HDHD5: variants seen among roughly 807,000 people sequenced by gnomAD.
HDHD5 encodes the protein haloacid dehalogenase like hydrolase domain containing 5, also known as haloacid dehalogenase-like hydrolase domain-containing 5.
A neutral mutation model predicts 35.5 loss-of-function variants in HDHD5; 34 were observed. That is an observed-to-expected ratio of 0.96 (90% confidence interval 0.73 to 1.28). The LOEUF is 1.28. Ranked by LOEUF, HDHD5 falls within the 50% of genes most tolerant of loss-of-function variation. The pLI, the probability that HDHD5 is intolerant of heterozygous loss-of-function variation, is 0.00. For missense variants in HDHD5, 589 were observed against 560.2 expected (o/e 1.05, Z -0.52); for synonymous variants, 248 against 240.6 (o/e 1.03, Z -0.29).
intron 1 of HDHD5, chr22:17,158,533 T>G (rs556604826): frequency 1.3e-5 from 2 of 152,340 alleles, no homozygotes; most frequent in Admixed American, 6.5e-5. Context: ...AGCTTCGGCT[T>G]CCTGACCACA....
intron 4 of HDHD5, among the ~76,000 whole-genome samples, chr22:17,144,779 G>A (rs933459228): frequency 6.6e-6 from 1 of 151,960 alleles, no homozygotes; most frequent in Non-Finnish European, 1.5e-5. Context: ...TTGAACTCCT[G>A]GGCTCAAACA....
chr22:17,154,872 C>G (rs2123874599), intron 1 of HDHD5, among the ~76,000 whole-genome samples: 1 of 151,880 alleles, frequency 6.6e-6, no homozygotes, highest in East Asian at 1.9e-4. Flanking sequence ...CTCAAGTAAT[C>G]CTTCCAACTC....
intron 1 of HDHD5, among the ~76,000 whole-genome samples, chr22:17,151,362 A>G (rs1601396006): frequency 6.6e-6 from 1 of 152,180 alleles, no homozygotes; most frequent in Admixed American, 6.5e-5. Context: ...GTTGGTGCCA[A>G]CTAGGTCAAG....
chr22:17,162,580 T>A (rs933124711), upstream of HDHD5, among the ~76,000 whole-genome samples: 2 of 152,216 alleles, frequency 1.3e-5, no homozygotes, highest in African/African-American at 4.8e-5. Context: ...TTTGTCTGTT[T>A]GTTTCGGGGA....
intron 6 of HDHD5, among the ~76,000 whole-genome samples, chr22:17,138,949 G>A (rs533968403): frequency 1.4e-3 from 220 of 152,294 alleles, no homozygotes; most frequent in Middle Eastern, 6.8e-3. Flanking sequence ...TTTGTAAAAC[G>A]AGGAAACCAA....
intron 6 of HDHD5, 118 bp from the exon 7 acceptor site, chr22:17,138,856 G>A: frequency 9.1e-7 from 1 of 1,102,400 alleles, no homozygotes; most frequent in Admixed American, 2.0e-5. Context: ...CAGGGTAAGA[G>A]CTGACATGTA....
chr22:17,141,233 C>T lies in HDHD5; in HGVS notation c.572G>A (p.Gly191Glu). 1 of 1,588,680 alleles carries T rather than the reference C, an allele frequency of 6.3e-7. No homozygotes were observed. Among genetic ancestry groups the T allele is most frequent in the African/African-American group, 1.4e-5 (1 of 73,230 alleles). The part of the protein sequence containing the change: ...LPRNDFPRIE[G>E]VLLLGEPVRW... ...GACCGGCTCCCCTAGGAGGAGCACC[C>T]CTTTAAAGAACAGAGGCGCAGGTGA... Residue 191 changes from glycine to glutamate, a missense_variant and splice_region_variant, in exon 6 of 8, where the codon GGG (glycine) becomes GAG (glutamate). Physicochemically the swap from Gly to Glu is moderately conservative, Grantham distance 98 (BLOSUM62 -2). Coordinates refer to ENST00000336737, the MANE Select transcript of HDHD5 (RefSeq NM_033070.3).
chr22:17,151,276 T>C (rs61109504), intron 1 of HDHD5, among the ~76,000 whole-genome samples: 3,683 of 152,334 alleles, frequency 0.024, 140 homozygotes, highest in African/African-American at 0.084. Flanking sequence ...TCTCATTTTA[T>C]AAACTGCCTG....
intron 1 of HDHD5, among the ~76,000 whole-genome samples, chr22:17,155,231 CT>C (rs539943001): frequency 2.6e-3 from 344 of 133,168 alleles, no homozygotes; most frequent in Middle Eastern, 3.7e-3. Context: ...ATTTGCTTTC[CT>C]TTTTTTTTTT....
At chr22:17,153,958 C>T (rs1417174816) in intron 1 of HDHD5, among the ~76,000 whole-genome samples, 25 of 151,968 alleles carry the variant, frequency 1.6e-4, no homozygotes, top group African/African-American at 2.9e-4. Flanking sequence ...TGGGCTCAAG[C>T]GATCCTCCCA....
At chr22:17,160,650 A>AG (rs1491203262), upstream of HDHD5, among the ~76,000 whole-genome samples, 6 of 55,252 alleles carry the variant, frequency 1.1e-4, no homozygotes, top group Non-Finnish European at 1.5e-4. Flanking sequence ...CTCCGTCTTG[A>AG]AAAAAAAAAA....
In HDHD5 at chr22:17,138,631, T is replaced by G; in HGVS notation, c.854A>C (p.Tyr285Ser). The G allele has an allele frequency of 6.2e-7, 1 of 1,614,166 alleles. No individual in the cohort carries two copies. Among genetic ancestry groups the G allele is most frequent in the Non-Finnish European group, 8.5e-7 (1 of 1,180,028 alleles). The stretch of plus-strand genomic sequence containing the variant: ...CCTGATCAGGTCCTCGGCATACTGG[T>G]AAGTGAGGATGCTGGGTTTGCCCAT... Reference protein sequence around the residue: ...GLMGKPSILTYQYAEDLIRRQ... With the variant: ...GLMGKPSILTSQYAEDLIRRQ... Residue 285 changes from tyrosine to serine, a missense_variant, in exon 7 of 8, where the codon TAC becomes TCC. By Grantham distance (144) the Tyr-to-Ser change is moderately radical (BLOSUM62 -2). Transcript: ENST00000336737.
chr22:17,145,467 G>A (rs1183855084), intron 3 of HDHD5, among the ~76,000 whole-genome samples: 1 of 152,220 alleles, frequency 6.6e-6, no homozygotes, highest in Non-Finnish European at 1.5e-5. Flanking sequence ...ACTTTGGGAG[G>A]CTGAGGCAGG....
intron 3 of HDHD5, among the ~76,000 whole-genome samples, chr22:17,147,715 C>T (rs1251516287): frequency 6.8e-6 from 1 of 147,078 alleles, no homozygotes; most frequent in Non-Finnish European, 1.5e-5. Context: ...ACACGCTCCA[C>T]ACCTGTGGCG....
chr22:17,147,759 G>A (rs953739119), intron 3 of HDHD5, among the ~76,000 whole-genome samples: 12 of 148,112 alleles, frequency 8.1e-5, no homozygotes, highest in Non-Finnish European at 1.8e-4. Flanking sequence ...TCGATCACAC[G>A]CCATCACACA....
chr22:17,149,178 T>C (rs1390340412), intron 2 of HDHD5, among the ~76,000 whole-genome samples: 1 of 152,184 alleles, frequency 6.6e-6, no homozygotes, highest in East Asian at 1.9e-4. Context: ...AGTTGGGATA[T>C]GGTGCAGGGC....
At chr22:17,152,525 G>GCACA (rs777383560) in intron 1 of HDHD5, among the ~76,000 whole-genome samples, 10 of 152,126 alleles carry the variant, frequency 6.6e-5, no homozygotes, top group Non-Finnish European at 1.3e-4. Flanking sequence ...GAACCAAAGG[G>GCACA]CACAGTAGGA....
chr22:17,159,527 T>G, upstream of HDHD5: 1 of 459,224 alleles, frequency 2.2e-6, no homozygotes, highest in Non-Finnish European at 4.3e-6. Context: ...GCGTCCGTAC[T>G]ATCGCCCTGT....
chr22:17,164,448 T>C (rs73383943), intron 1 of HDHD5, among the ~76,000 whole-genome samples: 2,482 of 152,298 alleles, frequency 0.016, 66 homozygotes, highest in African/African-American at 0.056. Context: ...AACGAAGTAG[T>C]TGGGAGAGAA....
Sources: allele counts gnomAD v4.1 joint callset (sites outside exome capture counted in the v4.1 genomes callset), GRCh38; gene constraint gnomAD v4.1.1; transcripts MANE v1.5; gene names NCBI Gene and HGNC (gene_info 2026-07-23, HGNC 2026-07-21).